The following FGF2 variants were observed in gnomAD, a reference collection of about 807,000 sequenced individuals.
FGF2 encodes fibroblast growth factor 2, also known as basic fibroblast growth factor bFGF.
A neutral mutation model predicts 15.9 loss-of-function variants in FGF2; 13 were observed. That is an observed-to-expected ratio of 0.82 (90% confidence interval 0.53 to 1.30). The LOEUF (loss-of-function observed/expected upper bound fraction) is 1.30. Ranked by LOEUF, FGF2 falls within the 50% of genes most tolerant of loss-of-function variation. FGF2 has a pLI of 0.00. For missense variants in FGF2, 163 were observed against 196.9 expected (o/e 0.83, Z 1.03); for synonymous variants, 90 against 78.4 (o/e 1.15, Z -0.78).
intron 2 of FGF2, among the ~76,000 whole-genome samples, chr4:122,891,952 T>C (rs1727199757): frequency 6.6e-6 from 1 of 152,144 alleles, no homozygotes; most frequent in South Asian, 2.1e-4. Context: ...GCTGGAGAAT[T>C]GTCTCTGAAC....
At chr4:122,839,331 G>T (rs1578452290) in intron 1 of FGF2, among the ~76,000 whole-genome samples, 1 of 152,176 alleles carries the variant, frequency 6.6e-6, no homozygotes, top group East Asian at 1.9e-4. Flanking sequence ...AAAATCGAGG[G>T]TATCTTTTCA....
At position 122,897,884 on chromosome 4, in the gene FGF2, C is replaced by T. The variant is rs1444796894; in HGVS notation, c.*5488C>T. 1.8e-6 allele frequency: 1 copy of T among 554,184 alleles called. No individual in the cohort carries two copies. The allele number at this position is 554,184 out of a possible 1,614,324, so 34.3% of individuals were successfully genotyped here. ...TGGTAACTGATGAAATCTTTTCCCA[C>T]CTTTTCTCTTCAGGAAATATAAGTG... On this transcript the variant is annotated 3_prime_UTR_variant, in exon 3 of 3. Transcript: ENST00000644866.
Position 122,897,720 on chromosome 4 carries a change from C to T in FGF2, c.*5324C>T, listed in dbSNP as rs753377427. 3 of 1,235,226 alleles carry T rather than the reference C, an allele frequency of 2.4e-6. No individual in the cohort carries two copies. Among genetic ancestry groups the T allele is most frequent in the Non-Finnish European group, 3.6e-6 (3 of 834,222 alleles). The allele number at this position is 1,235,226 out of a possible 1,614,324, so 76.5% of individuals were successfully genotyped here. A position where few individuals can be genotyped will look rare whatever the true frequency, so the allele number is the denominator to read the frequency against. On this transcript the variant is annotated 3_prime_UTR_variant, in exon 3 of 3. Transcript: ENST00000644866. ...GAAAATAAAGTTAACATAACTTTCACTAACACACACATATGTAGATTTCAC... is the reference window on the plus strand; with the variant it reads ...GAAAATAAAGTTAACATAACTTTCATTAACACACACATATGTAGATTTCAC...
intron 2 of FGF2, among the ~76,000 whole-genome samples, chr4:122,887,101 G>A (rs979316853): frequency 1.1e-4 from 16 of 152,108 alleles, no homozygotes; most frequent in Admixed American, 6.5e-5. Context: ...GGACCACGAC[G>A]TCAGGAGTTC....
At chr4:122,890,910 TA>T (rs1227644795) in intron 2 of FGF2, among the ~76,000 whole-genome samples, 1 of 152,208 alleles carries the variant, frequency 6.6e-6, no homozygotes, top group Non-Finnish European at 1.5e-5. Flanking sequence ...TACACATAAT[TA>T]TAATGTAAAA....
chr4:122,878,877 G>A (rs1264684107), intron 2 of FGF2, among the ~76,000 whole-genome samples: 1 of 152,144 alleles, frequency 6.6e-6, no homozygotes, highest in Non-Finnish European at 1.5e-5. Context: ...GACGAGAAAG[G>A]GGAAGGAAGA....
intron 1 of FGF2, among the ~76,000 whole-genome samples, chr4:122,858,800 A>G (rs964885435): frequency 1.3e-5 from 2 of 152,148 alleles, no homozygotes; most frequent in African/African-American, 2.4e-5. Context: ...TGGCTGATGG[A>G]AGAAAAAAAA....
intron 1 of FGF2, among the ~76,000 whole-genome samples, chr4:122,861,013 T>C (rs1043787097): frequency 6.6e-6 from 1 of 152,220 alleles, no homozygotes; most frequent in Non-Finnish European, 1.5e-5. Context: ...GTATTAGGTG[T>C]GCATATACGT....
At chr4:122,867,586 C>T (rs149178032) in intron 1 of FGF2, among the ~76,000 whole-genome samples, 2 of 152,160 alleles carry the variant, frequency 1.3e-5, no homozygotes, top group African/African-American at 4.8e-5. Context: ...CTCAAGTGAT[C>T]TGCCTGCCAA....
intron 1 of FGF2, among the ~76,000 whole-genome samples, chr4:122,850,526 A>AT (rs143024285): frequency 6.6e-6 from 1 of 152,096 alleles, no homozygotes; most frequent in Non-Finnish European, 1.5e-5. Flanking sequence ...AGCCTCATAT[A>AT]TTTTTTGGAG....
chr4:122,852,104 G>A (rs1345175185), intron 1 of FGF2, among the ~76,000 whole-genome samples: 1 of 152,074 alleles, frequency 6.6e-6, no homozygotes, highest in Non-Finnish European at 1.5e-5. Flanking sequence ...GTCTATTGCT[G>A]TGTAACAAAC....
At position 122,827,852 on chromosome 4, in the gene FGF2, A is replaced by C. The variant is rs1418597692; in HGVS notation, c.178+500A>C. On this transcript the variant is annotated intron_variant, in intron 1 of 2. Coordinates refer to ENST00000644866, the MANE Select transcript of FGF2 (RefSeq NM_001361665.2). The surrounding 1 kb of genome is among the most constrained non-coding windows in gnomAD (Gnocchi z 4.2). Reference sequence around the variant, plus strand: ...GGCATATGGCACACTACTCTCACCCACTCTGTTTTATATTTTTCCGAATTG... The same window carrying C: ...GGCATATGGCACACTACTCTCACCCCCTCTGTTTTATATTTTTCCGAATTG... 6.6e-6 allele frequency among the ~76,000 whole-genome samples: 1 copy of C among 152,030 alleles called. No homozygotes were observed. The highest frequency in any genetic ancestry group is 2.1e-4 in the South Asian group (1 of 4,812).
chr4:122,834,309 A>G (rs1391520334), intron 1 of FGF2, among the ~76,000 whole-genome samples: 1 of 152,218 alleles, frequency 6.6e-6, no homozygotes, highest in Non-Finnish European at 1.5e-5. Context: ...TCACTATGCA[A>G]TATAAAACTT....
chr4:122,840,365 A>G (rs1232920674), intron 1 of FGF2: 2 of 152,306 alleles, frequency 1.3e-5, no homozygotes, highest in Non-Finnish European at 1.5e-5. Context: ...AGAAGGAATA[A>G]TGGTCATGCC....
At chr4:122,836,367 G>A (rs76343185) in intron 1 of FGF2, among the ~76,000 whole-genome samples, 118 of 152,194 alleles carry the variant, frequency 7.8e-4, no homozygotes, top group African/African-American at 2.6e-3. Context: ...GAAATGTCCT[G>A]TCTGTCCTCG....
intron 2 of FGF2, among the ~76,000 whole-genome samples, chr4:122,889,591 T>G (rs1023789128): frequency 1.3e-5 from 2 of 152,150 alleles, no homozygotes; most frequent in Admixed American, 6.5e-5. Context: ...TACTACTCAT[T>G]TTTTTAAAAA....
At chr4:122,863,584 C>A (rs999765857) in intron 1 of FGF2, among the ~76,000 whole-genome samples, 1 of 152,114 alleles carries the variant, frequency 6.6e-6, no homozygotes, top group Admixed American at 6.5e-5. Context: ...AAACTTAGCT[C>A]AAAACTCACC....
intron 2 of FGF2, 105 bp downstream of exon 2, chr4:122,876,529 A>G (rs1726849509): frequency 2.6e-6 from 2 of 764,472 alleles, no homozygotes; most frequent in Non-Finnish European, 4.7e-6. Flanking sequence ...TACGTGTATC[A>G]TCGTCATAGT....
chr4:122,830,771 C>T (rs1725746697), intron 1 of FGF2, among the ~76,000 whole-genome samples: 1 of 127,692 alleles, frequency 7.8e-6, no homozygotes, highest in Admixed American at 1.1e-4. Context: ...ATGTATGCTG[C>T]TTATGTACAC....
Sources: gnomAD v4.1 joint callset for allele counts (sites outside exome capture counted in the v4.1 genomes callset) on GRCh38, gnomAD v4.1.1 for gene constraint, Gnocchi (gnomAD v3.1) non-coding constraint, MANE v1.5 for transcripts, NCBI Gene and HGNC (gene_info 2026-07-23, HGNC 2026-07-21) for gene names.